LMBR1: variants seen among roughly 807,000 people sequenced by gnomAD.
LMBR1 encodes the protein limb development membrane protein 1.
A neutral mutation model predicts 73.9 loss-of-function variants in LMBR1; 52 were observed. That is an observed-to-expected ratio of 0.70 (90% confidence interval 0.56 to 0.89). LMBR1 has a LOEUF of 0.89. LMBR1 is among the 40% of genes least tolerant of loss of function. The pLI, the probability that LMBR1 is intolerant of heterozygous loss-of-function variation, is 0.00. For synonymous variants in LMBR1, 215 were observed against 209.4 expected (o/e 1.03, Z -0.23); for missense variants, 539 against 579.8 (o/e 0.93, Z 0.72).
In LMBR1 at chr7:156,742,207, A is replaced by G. The variant is rs901631513; in HGVS notation, c.758-7950T>C. Among the ~76,000 whole-genome samples, 6 of 152,258 alleles carry G rather than the reference A, an allele frequency of 3.9e-5. No homozygotes were observed. In the Middle Eastern group the frequency reaches 0.014, roughly 345 times the overall value. On this transcript the variant is annotated intron_variant, in intron 9 of 16. Transcript: ENST00000353442. ...TATAAAAAAAGAGAAAAAACTTCAA[A>G]TAATCTAATGATGCATCTTAAAGAA... is the stretch of plus-strand genomic sequence containing the variant.
intron 1 of LMBR1, among the ~76,000 whole-genome samples, chr7:156,881,280 G>A (rs778475521): frequency 2.6e-5 from 4 of 152,118 alleles, no homozygotes; most frequent in African/African-American, 2.4e-5. Flanking sequence ...TGGGAAAACT[G>A]GAGATTCACA....
chr7:156,785,825 G>T (rs1013518890), intron 5 of LMBR1, among the ~76,000 whole-genome samples: 7 of 152,120 alleles, frequency 4.6e-5, no homozygotes, highest in Non-Finnish European at 1.0e-4. Context: ...GGTAGAAGAG[G>T]AGTCATTAGT....
At chr7:156,779,166 T>G (rs1563339546) in intron 5 of LMBR1, among the ~76,000 whole-genome samples, 1 of 152,214 alleles carries the variant, frequency 6.6e-6, no homozygotes, top group Non-Finnish European at 1.5e-5. Context: ...AATGCTTAGA[T>G]TATGTCATAT....
chr7:156,804,480 C>T (rs1186188644), intron 4 of LMBR1, among the ~76,000 whole-genome samples: 1 of 152,198 alleles, frequency 6.6e-6, no homozygotes, highest in African/African-American at 2.4e-5. Flanking sequence ...TTGTATTTTA[C>T]AGTCTCTCAC....
intron 4 of LMBR1, among the ~76,000 whole-genome samples, chr7:156,816,329 C>G (rs1833918063): frequency 6.6e-6 from 1 of 152,084 alleles, no homozygotes. Context: ...CCTCAGCCTC[C>G]CGAGCATCTG....
chr7:156,675,756 G>A, downstream of LMBR1: 1 of 1,612,830 alleles, frequency 6.2e-7, no homozygotes, highest in South Asian at 1.1e-5. Context: ...AGAGCTCTTT[G>A]CAGAAATCGA....
At chr7:156,781,388 C>T (rs1025609343) in intron 5 of LMBR1, among the ~76,000 whole-genome samples, 1 of 152,090 alleles carries the variant, frequency 6.6e-6, no homozygotes, top group African/African-American at 2.4e-5. Context: ...CAGACTAGTC[C>T]CCCGTTAGCT....
intron 15 of LMBR1, among the ~76,000 whole-genome samples, chr7:156,690,054 T>C (rs1447863502): frequency 6.6e-6 from 1 of 152,142 alleles, no homozygotes; most frequent in Non-Finnish European, 1.5e-5. Context: ...ACCCAAATTT[T>C]ACACAGCACG....
intron 9 of LMBR1, among the ~76,000 whole-genome samples, chr7:156,738,371 T>G (rs1585474498): frequency 6.6e-6 from 1 of 152,170 alleles, no homozygotes; most frequent in East Asian, 1.9e-4. Flanking sequence ...CGGGCTACAG[T>G]GCTCTGGGGT....
chr7:156,711,879 A>T (rs943910232), intron 15 of LMBR1, among the ~76,000 whole-genome samples: 4 of 152,226 alleles, frequency 2.6e-5, no homozygotes, highest in Non-Finnish European at 5.9e-5. Context: ...GAAATGTAAG[A>T]CCTGAAATTA....
At chr7:156,853,989 A>ACCTATATACAT (rs1198842634) in intron 1 of LMBR1, among the ~76,000 whole-genome samples, 17 of 146,836 alleles carry the variant, frequency 1.2e-4, no homozygotes, top group African/African-American at 3.3e-4. Flanking sequence ...AAAAAAAACC[A>ACCTATATACAT]CCTATATACA....
In LMBR1 at chr7:156,701,671, C is replaced by T. The variant is rs144831334; in HGVS notation, c.1226-13480G>A. ...GAATTTTATTTTAAGTTCTGGGATA[C>T]ATGTGCAGGATGTGCAGGTTTGTTA... On this transcript the variant is annotated intron_variant, in intron 15 of 16. Transcript: ENST00000353442. Among the ~76,000 whole-genome samples the T allele has an allele frequency of 2.6e-3, 402 of 152,308 alleles. 3 individuals carry two copies. Among genetic ancestry groups the T allele is most frequent in the African/African-American group, 9.2e-3 (381 of 41,574 alleles).
intron 5 of LMBR1, among the ~76,000 whole-genome samples, chr7:156,782,015 T>TA (rs1168079648): frequency 6.6e-6 from 1 of 152,244 alleles, no homozygotes; most frequent in Non-Finnish European, 1.5e-5. Flanking sequence ...TGGCAACCAC[T>TA]ATGCTACTTT....
At position 156,845,557 on chromosome 7, in the gene LMBR1, A is replaced by G. The variant is rs150200756; in HGVS notation, c.67-8672T>C. 2.6e-5 allele frequency among the ~76,000 whole-genome samples: 4 copies of G among 152,298 alleles called. No homozygotes were observed. The East Asian group carries it at 7.7e-4, about 29-fold the overall frequency. ...TAAAAGAAAACACTGATAGAATGAT[A>G]CATATCTTAAAACAAAGTGACTCAG... On this transcript the variant is annotated intron_variant, in intron 1 of 16. Transcript: ENST00000353442.
rs6957768 is a variant in LMBR1 at position 156,762,136 on chromosome 7, T to C, written c.682A>G (p.Thr228Ala). ...ATGATTTATAATTAAATACTTACTG[T>C]TGGCTTCACTAGCAACTGACCCATC... Reference protein sequence around the residue: ...TVMGQLLVKPTILEDLDEQIY... With the variant: ...TVMGQLLVKPAILEDLDEQIY... The change falls in exon 8 of 17, where the codon ACA becomes GCA. Residue 228 changes from threonine (T) to alanine (A), a missense_variant and splice_region_variant. Thr to Ala is a moderately conservative substitution (Grantham distance 58, BLOSUM62 0). Transcript: ENST00000353442. 0.061 allele frequency: 95,917 copies of C among 1,578,496 alleles called. 3,358 individuals are homozygous for C. The highest frequency in any genetic ancestry group is 0.14 in the East Asian group (6,400 of 44,662).
intron 5 of LMBR1, among the ~76,000 whole-genome samples, chr7:156,779,496 C>T (rs1190382864): frequency 6.6e-6 from 1 of 152,178 alleles, no homozygotes; most frequent in Non-Finnish European, 1.5e-5. Context: ...AAAGACTAAA[C>T]ACTTGTAGAC....
chr7:156,841,606 T>C (rs1838712932), intron 1 of LMBR1, among the ~76,000 whole-genome samples: 1 of 152,080 alleles, frequency 6.6e-6, no homozygotes, highest in Non-Finnish European at 1.5e-5. Context: ...AGAAAGTTTA[T>C]TTAGGAAAAT....
At position 156,892,969 on chromosome 7, in the gene LMBR1, C is replaced by T. The variant is rs760438533; in HGVS notation, c.25G>A (p.Ala9Thr). The change falls in exon 1 of 17, where the codon GCG (alanine) becomes ACG (threonine). Residue 9 changes from alanine (A) to threonine (T), a missense_variant. Transcript: ENST00000353442. ...TGGCTGTGGAAGTGCTGCTCCCGCG[C>T]CGACACCTCGTCCTGCCCTTCCATC... The part of the protein sequence containing the change: MEGQDEVS[A>T]REQHFHSQVR... The T allele has an allele frequency of 2.2e-5, 34 of 1,543,006 alleles. No individual in the cohort carries two copies. The Admixed American group carries it at 6.6e-4, about 30-fold the overall frequency.
chr7:156,740,264 A>T (rs1818655499), intron 9 of LMBR1, among the ~76,000 whole-genome samples: 1 of 152,154 alleles, frequency 6.6e-6, no homozygotes, highest in Non-Finnish European at 1.5e-5. Flanking sequence ...AAAATAGCCT[A>T]AAAGGAGCAA....
Sources: allele counts gnomAD v4.1 joint callset (sites outside exome capture counted in the v4.1 genomes callset), GRCh38; gene constraint gnomAD v4.1.1; transcripts MANE v1.5; gene names NCBI Gene and HGNC (gene_info 2026-07-23, HGNC 2026-07-21).